GSDME: variants seen among roughly 807,000 people sequenced by gnomAD.
GSDME encodes the protein gasdermin-E.
Under a neutral mutation model 47.5 loss-of-function variants are expected in GSDME, and 44 were observed. That is an observed-to-expected ratio of 0.93 (90% CI 0.73 to 1.19). GSDME has a LOEUF of 1.19. GSDME is among the 50% of genes most tolerant of loss of function. The pLI, the probability that GSDME is intolerant of heterozygous loss-of-function variation, is 0.00. For missense variants in GSDME, 663 were observed against 604.2 expected, an observed-to-expected ratio of 1.10 and a Z score of -1.02; for synonymous variants, 258 against 252.8, an observed-to-expected ratio of 1.02 and a Z score of -0.20.
Position 24,744,710 on chromosome 7 carries a change from T to G in GSDME, c.256A>C (p.Asn86His), listed in dbSNP as rs752343021. The G allele has an allele frequency of 1.9e-6, 3 of 1,614,100 alleles. No homozygotes were observed. Among genetic ancestry groups the G allele is most frequent in the African/African-American group, 2.7e-5 (2 of 75,008 alleles). ...GTCTCCAGGGTTCCACTCACGTGGT[T>G]TGCAAACTTGCCCTCGTATTTCACA... ...DFVKYEGKFA[N>H]HVSGTLETAL... is the part of the protein sequence containing the mutation. The change falls in exon 3 of 10, where the codon AAC (asparagine) becomes CAC (histidine). Residue 86 changes from asparagine to histidine, a missense_variant. Asn to His is a moderately conservative substitution (Grantham distance 68). Transcript: ENST00000645220. This position sits in a 1 kb window ranked among gnomAD's most constrained non-coding sequence, Gnocchi z 4.5.
At chr7:24,740,388 C>A (rs1355095571) in intron 3 of GSDME, among the ~76,000 whole-genome samples, 1 of 150,482 alleles carries the variant, frequency 6.6e-6, no homozygotes, top group Non-Finnish European at 1.5e-5. Context: ...CTTTAGGATA[C>A]CTAAAGAATG....
Position 24,744,984 on chromosome 7 carries a change from CGTGTGTGTGTGTGTGTGTGTGT to C in GSDME, c.212-252_212-231del, listed in dbSNP as rs3038357. On this transcript the variant is annotated intron_variant, in intron 2 of 9. Transcript: ENST00000645220. This position sits in a 1 kb window ranked among gnomAD's most constrained non-coding sequence, Gnocchi z 4.5. ...GGGCACACAGTGGACCAGTGCAGCA[CGTGTGTGTGTGTGTGTGTGTGT>C]GTGTGTGTGTGTGTGTGTGTGTGTG... 0.028 allele frequency among the ~76,000 whole-genome samples: 3,352 copies of C among 119,068 alleles called. 154 individuals carry two copies. The highest frequency in any genetic ancestry group is 0.098 in the African/African-American group (3,157 of 32,250). The allele number at this position is 119,068 out of a possible 152,430, so 78.1% of individuals were successfully genotyped here.
chr7:24,793,688 T>C, the GSDME span, among the ~76,000 whole-genome samples: 8 of 152,238 alleles, frequency 5.3e-5, no homozygotes, highest in East Asian at 1.5e-3. Flanking sequence ...TTCTGACTTA[T>C]TGCAAACATC....
intron 6 of GSDME, 77 bp downstream of exon 6, chr7:24,710,147 G>GA (rs2128049796): frequency 1.3e-6 from 2 of 1,504,594 alleles, no homozygotes; most frequent in South Asian, 2.3e-5. Flanking sequence ...CACTGATGCT[G>GA]AAGGCCACAC....
the GSDME span, among the ~76,000 whole-genome samples, chr7:24,772,408 GTGTGTT>G: frequency 6.6e-6 from 1 of 152,190 alleles, no homozygotes; most frequent in African/African-American, 2.4e-5. This position sits in a 1 kb window ranked among gnomAD's most constrained non-coding sequence, Gnocchi z 4.5. Context: ...TGAACTGATT[GTGTGTT>G]TGTTTACTGT....
At chr7:24,706,035 C>T (rs777888321) in intron 8 of GSDME, 149 bp downstream of exon 8, 31 of 1,003,098 alleles carry the variant, frequency 3.1e-5, no homozygotes, top group Non-Finnish European at 4.4e-5. Context: ...ATCAGCCTCC[C>T]ACCTCTTACC....
chr7:24,718,159 G>A (rs959126073), intron 4 of GSDME, among the ~76,000 whole-genome samples: 3 of 152,218 alleles, frequency 2.0e-5, no homozygotes, highest in Non-Finnish European at 4.4e-5. Flanking sequence ...ATCTCCCATC[G>A]GCGCCTCCCT....
chr7:24,707,357 G>A (rs1248793416), intron 7 of GSDME: 3 of 471,292 alleles, frequency 6.4e-6, no homozygotes, highest in South Asian at 4.6e-5. Flanking sequence ...AGGGTTGGCA[G>A]CTTGTGTGGC....
intron 2 of GSDME, 33 bp downstream of exon 2, chr7:24,749,531 G>T: frequency 2.7e-6 from 4 of 1,464,718 alleles, no homozygotes; most frequent in Non-Finnish European, 3.8e-6. Context: ...TCCTTTCCGA[G>T]ACTAATTATA....
At chr7:24,711,559 A>G (rs1789353603) in intron 5 of GSDME, among the ~76,000 whole-genome samples, 1 of 151,912 alleles carries the variant, frequency 6.6e-6, no homozygotes, top group African/African-American at 2.4e-5. Context: ...GGTGGCTCAC[A>G]CCTGTAATGC....
the GSDME span, among the ~76,000 whole-genome samples, chr7:24,793,499 A>G: frequency 0.6 from 91,039 of 152,054 alleles, 28,248 homozygotes; most frequent in East Asian, 0.81. Context: ...TTTACTAAAA[A>G]TATATTTTAC....
rs546668764 is a variant in GSDME at position 24,744,958 on chromosome 7, C to T, written c.212-204G>A. On this transcript the variant is annotated intron_variant, in intron 2 of 9. Transcript: ENST00000645220. The surrounding 1 kb of genome is among the most constrained non-coding windows in gnomAD (Gnocchi z 4.5). ...TGTGTGTGTGTGTGTGTGTGGACCG[C>T]GGGCACACAGTGGACCAGTGCAGCA... Among the ~76,000 whole-genome samples the T allele has an allele frequency of 2.5e-5, 3 of 119,210 alleles. No individual in the cohort carries two copies. The highest frequency in any genetic ancestry group is 2.7e-4 in the South Asian group (1 of 3,722). The allele number at this position is 119,210 out of a possible 152,430, so 78.2% of individuals were successfully genotyped here.
intron 5 of GSDME, 160 bp from the exon 6 acceptor site, chr7:24,710,548 A>G (rs1397871953): frequency 4.5e-6 from 3 of 669,290 alleles, no homozygotes; most frequent in Admixed American, 5.1e-5. Context: ...CCCTACACAC[A>G]TTATGTTGCT....
chr7:24,706,129 G>T, intron 8 of GSDME, 55 bp downstream of exon 8: 2 of 1,600,004 alleles, frequency 1.3e-6, no homozygotes, highest in South Asian at 2.2e-5. Flanking sequence ...ATAGATAGTA[G>T]GCAAAGCATT....
At chr7:24,743,145 C>T (rs1372655817) in intron 3 of GSDME, among the ~76,000 whole-genome samples, 3 of 152,194 alleles carry the variant, frequency 2.0e-5, no homozygotes, top group African/African-American at 4.8e-5. Flanking sequence ...GACTTGAAGA[C>T]GGCAGCTGCC....
chr7:24,790,590 CGGTGGGACTCCA>C, the GSDME span, among the ~76,000 whole-genome samples: 2 of 152,160 alleles, frequency 1.3e-5, no homozygotes, highest in Non-Finnish European at 2.9e-5. The surrounding 1 kb of genome is among the most constrained non-coding windows in gnomAD (Gnocchi z 4.1). Flanking sequence ...TGTCCAGTCC[CGGTGGGACTCCA>C]GGTGGGTCCA....
the GSDME span, among the ~76,000 whole-genome samples, chr7:24,769,254 T>C: frequency 7.5e-4 from 114 of 152,328 alleles, 1 homozygote; most frequent in East Asian, 0.02. Context: ...AACCCTGAAC[T>C]GTAACTGATG....
Position 24,699,227 on chromosome 7 carries a change from A to G in GSDME, c.1290T>C (p.Asp430=). Residue 430 remains aspartate, a synonymous_variant, in exon 10 of 10, where the codon GAT becomes GAC. Coordinates refer to ENST00000645220, the MANE Select transcript of GSDME (RefSeq NM_001127453.2). ...LRALSDDGVS[D]LEDPTLTPLK... ...GGGGAGTCAAGGTTGGGTCTTCAAG[A>G]TCAGATACTCCATCATCAGACAGAG... 1 of 1,614,070 alleles carries G rather than the reference A, an allele frequency of 6.2e-7. No homozygotes were observed. The highest frequency in any genetic ancestry group is 1.1e-5 in the South Asian group (1 of 91,080).
At chr7:24,766,183 T>TTGTGTGTGTGTGTG in the GSDME span, among the ~76,000 whole-genome samples, 147 of 144,612 alleles carry the variant, frequency 1.0e-3, no homozygotes, top group East Asian at 0.015. This position sits in a 1 kb window ranked among gnomAD's most constrained non-coding sequence, Gnocchi z 4.2. Flanking sequence ...ATTACATTAT[T>TTGTGTGTGTGTGTG]TGTGTGTGTG....
Sources: gnomAD v4.1 joint callset for allele counts (sites outside exome capture counted in the v4.1 genomes callset) on GRCh38, gnomAD v4.1.1 for gene constraint, Gnocchi (gnomAD v3.1) non-coding constraint, MANE v1.5 for transcripts, NCBI Gene and HGNC (gene_info 2026-07-23, HGNC 2026-07-21) for gene names.